Variants in TULP4 observed in about 807,000 individuals in gnomAD.
TULP4 encodes tubby-related protein 4.
In TULP4, 16 loss-of-function variants were observed where a neutral mutation model predicts 129.0. The observed-to-expected ratio is 0.12, with a 90% CI of 0.08 to 0.19. The LOEUF is 0.19. Ranked by LOEUF, TULP4 falls within the 10% of genes least tolerant of loss-of-function variation. TULP4 has a pLI of 1.00. For missense variants in TULP4, 1,842 were observed against 2,059.1 expected (o/e 0.89, Z 2.04); for synonymous variants, 998 against 854.0 (o/e 1.17, Z -2.94).
intron 6 of TULP4, among the ~76,000 whole-genome samples, 174 bp downstream of exon 6, chr6:158,461,903 C>T (rs1321751545): frequency 6.6e-6 from 1 of 152,152 alleles, no homozygotes; most frequent in East Asian, 1.9e-4. Context: ...ATGCTTTATT[C>T]TATTTCCCAG....
intron 1 of TULP4, among the ~76,000 whole-genome samples, chr6:158,357,386 A>G (rs929715453): frequency 7.2e-5 from 11 of 152,220 alleles, no homozygotes; most frequent in Non-Finnish European, 1.6e-4. Flanking sequence ...TCCATCTTCT[A>G]ACAGTCATTT....
intron 1 of TULP4, among the ~76,000 whole-genome samples, chr6:158,375,985 G>A (rs1356138445): frequency 6.6e-6 from 1 of 152,228 alleles, no homozygotes; most frequent in African/African-American, 2.4e-5. Flanking sequence ...TTGCTAGCTA[G>A]GGCTGGGATT....
intron 1 of TULP4, among the ~76,000 whole-genome samples, chr6:158,248,701 C>A (rs139309865): frequency 6.6e-6 from 1 of 151,870 alleles, no homozygotes; most frequent in East Asian, 2.0e-4. Context: ...ATGATTGTGC[C>A]ACCGCACTCT....
chr6:158,315,852 G>T (rs1182182396), intron 1 of TULP4, among the ~76,000 whole-genome samples: 1 of 152,174 alleles, frequency 6.6e-6, no homozygotes, highest in Non-Finnish European at 1.5e-5. Context: ...ACAAGGGTAG[G>T]AATCCCATTT....
At chr6:158,362,417 A>G (rs910829435) in intron 1 of TULP4, among the ~76,000 whole-genome samples, 1 of 151,906 alleles carries the variant, frequency 6.6e-6, no homozygotes, top group Non-Finnish European at 1.5e-5. Flanking sequence ...TGATGCAGTC[A>G]TAGTTCACTG....
At chr6:158,458,477 G>A (rs1779344899) in intron 5 of TULP4, among the ~76,000 whole-genome samples, 1 of 152,170 alleles carries the variant, frequency 6.6e-6, no homozygotes, top group African/African-American at 2.4e-5. Context: ...GAGACTCTGG[G>A]CCACGAGCTT....
upstream of TULP4, chr6:158,312,298 G>A (rs529831516): frequency 1.5e-4 from 58 of 393,706 alleles, no homozygotes; most frequent in African/African-American, 6.4e-4. Flanking sequence ...TCAGGAGCCC[G>A]GGGAGAAAAA....
intron 1 of TULP4, among the ~76,000 whole-genome samples, chr6:158,250,752 CT>C (rs1044164823): frequency 6.6e-6 from 1 of 152,054 alleles, no homozygotes; most frequent in Non-Finnish European, 1.5e-5. Context: ...TGGTGAAGTT[CT>C]TTCTCCCCCA....
intron 1 of TULP4, among the ~76,000 whole-genome samples, chr6:158,300,085 G>T (rs117316221): frequency 3.3e-5 from 5 of 152,088 alleles, no homozygotes; most frequent in Non-Finnish European, 7.4e-5. Flanking sequence ...CTGAGGAGTC[G>T]GCACAGATCT....
chr6:158,461,405 C>A (rs1779421361), intron 5 of TULP4, among the ~76,000 whole-genome samples, 158 bp from the exon 6 acceptor site: 2 of 138,432 alleles, frequency 1.4e-5, no homozygotes, highest in Non-Finnish European at 3.1e-5. Context: ...GAGTGAAACT[C>A]CGTCTCAAAA....
chr6:158,252,890 C>T (rs144634565), intron 1 of TULP4, among the ~76,000 whole-genome samples: 19 of 152,204 alleles, frequency 1.2e-4, no homozygotes, highest in Admixed American at 2.6e-4. Flanking sequence ...TTTTTCTATC[C>T]GCGTTTGTGT....
At chr6:158,336,723 A>G (rs916631750) in intron 1 of TULP4, among the ~76,000 whole-genome samples, 1 of 152,216 alleles carries the variant, frequency 6.6e-6, no homozygotes, top group Non-Finnish European at 1.5e-5. Context: ...GAACAGAGAG[A>G]TAACTAACTA....
intron 1 of TULP4, among the ~76,000 whole-genome samples, chr6:158,246,799 G>C (rs559095266): frequency 1.3e-5 from 2 of 152,228 alleles, no homozygotes; most frequent in African/African-American, 4.8e-5. Context: ...TACTTATGTG[G>C]TGTCAAGGAT....
Position 158,503,397 on chromosome 6 carries a change from C to T in TULP4, c.3734C>T (p.Pro1245Leu). 6.2e-7 allele frequency: 1 copy of T among 1,613,966 alleles called. No homozygotes were observed. The change falls in exon 13 of 14, where the codon CCA becomes CTA. Residue 1245 changes from proline to leucine, a missense_variant. Transcript: ENST00000367097. The surrounding 1 kb of genome is among the most constrained non-coding windows in gnomAD (Gnocchi z 4.3). ...TATTGCACCCTGCCCCCCATGTACC[C>T]AGGAAGCAGCACGTGCTCTAGTTTA... ...LSYCTLPPMY[P>L]GSSTCSSLQL...
intron 1 of TULP4, among the ~76,000 whole-genome samples, chr6:158,322,176 T>C (rs917961689): frequency 2.0e-5 from 3 of 152,254 alleles, no homozygotes; most frequent in African/African-American, 7.2e-5. Flanking sequence ...TTGACTCATT[T>C]TGGATTAAAG....
chr6:158,409,853 T>A (rs1296465851), intron 1 of TULP4, among the ~76,000 whole-genome samples: 1 of 152,150 alleles, frequency 6.6e-6, no homozygotes, highest in African/African-American at 2.4e-5. Context: ...CTCAACTGAT[T>A]AAGAATCTTT....
intron 1 of TULP4, among the ~76,000 whole-genome samples, chr6:158,350,649 C>T (rs943961869): frequency 2.0e-5 from 3 of 152,042 alleles, no homozygotes; most frequent in African/African-American, 4.8e-5. Context: ...CACGGGAGCC[C>T]GAGGCAGGGA....
intron 1 of TULP4, among the ~76,000 whole-genome samples, chr6:158,378,865 G>A (rs1218095100): frequency 6.6e-6 from 1 of 152,196 alleles, no homozygotes; most frequent in Non-Finnish European, 1.5e-5. Context: ...CCACATAGAA[G>A]TGAACTTGTA....
chr6:158,269,675 A>G (rs1377371479), intron 1 of TULP4, among the ~76,000 whole-genome samples: 2 of 152,246 alleles, frequency 1.3e-5, no homozygotes, highest in Non-Finnish European at 2.9e-5. Context: ...CAGATTTTAA[A>G]CATTGCTTAA....
Sources: allele counts gnomAD v4.1 joint callset (sites outside exome capture counted in the v4.1 genomes callset), GRCh38; gene constraint gnomAD v4.1.1; non-coding constraint Gnocchi (gnomAD v3.1); transcripts MANE v1.5; gene names NCBI Gene and HGNC (gene_info 2026-07-23, HGNC 2026-07-21).